The following TAOK3 variants were observed in gnomAD, a reference collection of about 807,000 sequenced individuals.
TAOK3 encodes serine/threonine-protein kinase TAO3.
Under a neutral mutation model 120.4 loss-of-function variants are expected in TAOK3, and 40 were observed. That is an observed-to-expected ratio of 0.33 (90% CI 0.26 to 0.43). The LOEUF (loss-of-function observed/expected upper bound fraction) is 0.43, where lower values mean the gene tolerates loss of function less well. TAOK3 is among the 20% of genes least tolerant of loss of function. The pLI is 1.00. For synonymous variants in TAOK3, 355 were observed against 387.5 expected, an observed-to-expected ratio of 0.92 and a Z score of 0.99; for missense variants, 821 against 1,112.1, an observed-to-expected ratio of 0.74 and a Z score of 3.72.
At chr12:118,270,445 C>CAAT (rs1236106110) in intron 1 of TAOK3, among the ~76,000 whole-genome samples, 1 of 151,840 alleles carries the variant, frequency 6.6e-6, no homozygotes, top group East Asian at 1.9e-4. Context: ...TAAAGAATAA[C>CAAT]AATAATAATA....
chr12:118,238,216 C>T (rs2040100127), intron 6 of TAOK3, 47 bp from the exon 7 acceptor site: 1 of 1,192,976 alleles, frequency 8.4e-7, no homozygotes, highest in African/African-American at 1.5e-5. Context: ...AGTTTCATTC[C>T]TCATTTTATT....
chr12:118,293,300 G>C (rs1224896602), intron 1 of TAOK3, among the ~76,000 whole-genome samples: 2 of 152,178 alleles, frequency 1.3e-5, no homozygotes, highest in African/African-American at 4.8e-5. Flanking sequence ...AGTGTAAAAG[G>C]TACCAAGCTT....
At chr12:118,290,665 A>G (rs2042436895) in intron 1 of TAOK3, among the ~76,000 whole-genome samples, 1 of 152,180 alleles carries the variant, frequency 6.6e-6, no homozygotes, top group African/African-American at 2.4e-5. Flanking sequence ...TCCTGGGTTC[A>G]AGCGATTTTC....
chr12:118,293,081 T>A (rs1367993064), intron 1 of TAOK3, among the ~76,000 whole-genome samples: 1 of 152,236 alleles, frequency 6.6e-6, no homozygotes, highest in Non-Finnish European at 1.5e-5. Flanking sequence ...AGTTTACTCC[T>A]GTTGAAAGTT....
intron 14 of TAOK3, among the ~76,000 whole-genome samples, chr12:118,182,623 A>ATATATATATATATTTATATATATT (rs371125415): frequency 1.1e-5 from 1 of 92,416 alleles, no homozygotes; most frequent in Non-Finnish European, 2.0e-5. Flanking sequence ...ATATATATAT[A>ATATATATATATATTTATATATATT]TTTTTTTTTT....
chr12:118,351,897 G>A (rs117585808), intron 1 of TAOK3, among the ~76,000 whole-genome samples: 4,155 of 135,128 alleles, frequency 0.031, 227 homozygotes, highest in East Asian at 0.24. Flanking sequence ...TTTTAGTGGC[G>A]GAGTCTCCCT....
chr12:118,354,742 C>G (rs2045323950), intron 1 of TAOK3, among the ~76,000 whole-genome samples: 1 of 152,090 alleles, frequency 6.6e-6, no homozygotes, highest in Non-Finnish European at 1.5e-5. Flanking sequence ...TGCACAAGCT[C>G]TCTTTTTTGC....
At chr12:118,208,959 C>G (rs1272682876) in intron 11 of TAOK3, among the ~76,000 whole-genome samples, 3 of 152,104 alleles carry the variant, frequency 2.0e-5, no homozygotes, top group Non-Finnish European at 4.4e-5. Flanking sequence ...ATCTGCCCAC[C>G]TTGGCCCCAC....
chr12:118,307,228 C>T lies in TAOK3; in HGVS notation c.-193-40469G>A, dbSNP rs7978756. Among the ~76,000 whole-genome samples the T allele has an allele frequency of 3.9e-5, 6 of 152,118 alleles. No homozygotes were observed. In the South Asian group the frequency reaches 1.0e-3, roughly 26 times the overall value. On this transcript the variant is annotated intron_variant, in intron 1 of 20. Coordinates refer to ENST00000392533, the MANE Select transcript of TAOK3 (RefSeq NM_016281.4). ...CAACCTTCCCGCCTCCTCTTCCCCC[C>T]CCCATCTCTGGAGTCCTCATAGTTT...
intron 1 of TAOK3, among the ~76,000 whole-genome samples, chr12:118,356,861 G>A (rs2045418507): frequency 6.6e-6 from 1 of 152,170 alleles, no homozygotes; most frequent in Non-Finnish European, 1.5e-5. Context: ...GTTCAAGGCA[G>A]CAGTGAGCTA....
intron 11 of TAOK3, among the ~76,000 whole-genome samples, chr12:118,207,887 CACAT>C (rs1718910644): frequency 6.6e-6 from 1 of 151,832 alleles, no homozygotes; most frequent in African/African-American, 2.4e-5. Context: ...CACACACACA[CACAT>C]GCACAAATTA....
chr12:118,176,738 G>C (rs554700167), intron 16 of TAOK3, among the ~76,000 whole-genome samples: 2 of 151,958 alleles, frequency 1.3e-5, no homozygotes, highest in East Asian at 3.9e-4. Flanking sequence ...CTGGGGGTGG[G>C]TTAGCAATCT....
At chr12:118,273,259 T>C (rs1238307062) in intron 1 of TAOK3, among the ~76,000 whole-genome samples, 1 of 152,048 alleles carries the variant, frequency 6.6e-6, no homozygotes, top group African/African-American at 2.4e-5. Context: ...TCCCAGCACT[T>C]TGGGAGGCTG....
At chr12:118,308,511 A>T (rs2043135533) in intron 1 of TAOK3, among the ~76,000 whole-genome samples, 3 of 152,172 alleles carry the variant, frequency 2.0e-5, no homozygotes, top group Admixed American at 6.5e-5. Context: ...AGTTATTATT[A>T]TTCTGATTTT....
chr12:118,270,077 C>A (rs1276197940), intron 1 of TAOK3, among the ~76,000 whole-genome samples: 2 of 152,150 alleles, frequency 1.3e-5, no homozygotes, highest in African/African-American at 2.4e-5. Flanking sequence ...TTAATTTCTG[C>A]CCATTTAATG....
At chr12:118,204,804 C>T (rs1307141928) in intron 11 of TAOK3, among the ~76,000 whole-genome samples, 1 of 151,984 alleles carries the variant, frequency 6.6e-6, no homozygotes, top group Non-Finnish European at 1.5e-5. Context: ...CCAAGGCGGG[C>T]AGATCACCTG....
intron 13 of TAOK3, among the ~76,000 whole-genome samples, chr12:118,194,893 C>T (rs372411832): frequency 9.7e-4 from 148 of 152,096 alleles, no homozygotes; most frequent in Middle Eastern, 3.4e-3. Flanking sequence ...AGATTACAGG[C>T]GCGTGCCACC....
chr12:118,238,057 T>C lies in TAOK3; in HGVS notation c.437+16A>G. 6.6e-7 allele frequency: 1 copy of C among 1,507,876 alleles called. No homozygotes were observed. Among genetic ancestry groups the C allele is most frequent in the Non-Finnish European group, 9.1e-7 (1 of 1,095,868 alleles). The allele number at this position is 1,507,876 out of a possible 1,614,324, so 93.4% of individuals were successfully genotyped here. On this transcript the variant is annotated intron_variant, in intron 7 of 20. Coordinates refer to ENST00000392533, the MANE Select transcript of TAOK3 (RefSeq NM_016281.4). ...TCCTGCAACTGAAAAGAAACATAACTGGTCTCTAATCTTACCTATGAATCA... is the reference window on the plus strand; with the variant it reads ...TCCTGCAACTGAAAAGAAACATAACCGGTCTCTAATCTTACCTATGAATCA...
intron 1 of TAOK3, chr12:118,359,534 TGAA>T (rs1461758393): frequency 2.0e-5 from 3 of 152,208 alleles, no homozygotes; most frequent in Non-Finnish European, 4.4e-5. Context: ...CTCTTGATAA[TGAA>T]GAAAAGGCAA....
Sources: allele counts gnomAD v4.1 joint callset (sites outside exome capture counted in the v4.1 genomes callset), GRCh38; gene constraint gnomAD v4.1.1; transcripts MANE v1.5; gene names NCBI Gene and HGNC (gene_info 2026-07-23, HGNC 2026-07-21).